ZNF829: variants seen among roughly 807,000 people sequenced by gnomAD.
The protein encoded by ZNF829 is zinc finger protein 829.
ZNF829 carries 25 observed loss-of-function variants against 35.2 expected under a neutral mutation model. The observed-to-expected ratio is 0.71, with a 90% CI of 0.52 to 0.99. ZNF829 has a LOEUF of 0.99. Among genes scored for constraint, ZNF829 ranks in the 50% least tolerant of loss-of-function variants. The probability of loss-of-function intolerance (pLI) is 0.00; values close to 1 mark genes in which losing one functional copy is unlikely to be tolerated. For missense variants in ZNF829, 417 were observed against 515.3 expected (o/e 0.81, Z 1.85); for synonymous variants, 136 against 163.2 (o/e 0.83, Z 1.27).
At position 36,889,253 on chromosome 19, in the gene ZNF829, T is replaced by C. The variant is rs535416118; in HGVS notation, c.*2239A>G. 2.3e-4 allele frequency: 35 copies of C among 152,264 alleles called. No individual in the cohort carries two copies. Among genetic ancestry groups the C allele is most frequent in the African/African-American group, 7.7e-4 (32 of 41,558 alleles). 9.4% of individuals were successfully genotyped at this position (152,264 alleles called of 1,614,324 possible). A position where few individuals can be genotyped will look rare whatever the true frequency, so the allele number is the denominator to read the frequency against. ...TTTCATCAGGGATATTGGCTTGTAGTTTTTTTGTGTGTTTTATCCTTGCCT... is the reference window on the plus strand; with the variant it reads ...TTTCATCAGGGATATTGGCTTGTAGCTTTTTTGTGTGTTTTATCCTTGCCT... On this transcript the variant is annotated 3_prime_UTR_variant, in exon 6 of 6. Transcript: ENST00000391711.
chr19:36,901,400 T>C lies in ZNF829; in HGVS notation c.319+6529A>G, dbSNP rs532384899. Among the ~76,000 whole-genome samples, 9 of 152,210 alleles carry C rather than the reference T, an allele frequency of 5.9e-5. No homozygotes were observed. In the East Asian group the frequency reaches 1.5e-3, roughly 26 times the overall value. On this transcript the variant is annotated intron_variant, in intron 5 of 5. Coordinates refer to ENST00000391711, the MANE Select transcript of ZNF829 (RefSeq NM_001037232.4). ...AGAGTGTACAGGGATTTTTCTGAGG[T>C]GATAAAAATGTTCTAAAATTGATTA...
rs1405650174 is a variant in ZNF829 at position 36,915,240 on chromosome 19, C to T, written c.-73G>A. 2 of 1,613,048 alleles carry T rather than the reference C, an allele frequency of 1.2e-6. No individual in the cohort carries two copies. Among genetic ancestry groups the T allele is most frequent in the Non-Finnish European group, 1.7e-6 (2 of 1,179,608 alleles). Reference sequence around the variant, plus strand: ...CCAGGGTTGGAATCTGACCAGACCTCAGAGAGGTTTCCTAGAGACAGAGTT... The same window carrying T: ...CCAGGGTTGGAATCTGACCAGACCTTAGAGAGGTTTCCTAGAGACAGAGTT... On this transcript the variant is annotated 5_prime_UTR_variant, in exon 2 of 6. Coordinates refer to ENST00000391711, the MANE Select transcript of ZNF829 (RefSeq NM_001037232.4).
chr19:36,908,655 A>G (rs1291762694), intron 3 of ZNF829, among the ~76,000 whole-genome samples, 196 bp from the exon 4 acceptor site: 2 of 152,250 alleles, frequency 1.3e-5, no homozygotes, highest in Admixed American at 6.5e-5. Flanking sequence ...ATTCAGCTCA[A>G]TTAGTGAGTT....
chr19:36,900,847 G>GAAA (rs59848712), intron 5 of ZNF829, among the ~76,000 whole-genome samples: 1,326 of 88,900 alleles, frequency 0.015, 36 homozygotes, highest in African/African-American at 0.056. Flanking sequence ...GACTGTCTCA[G>GAAA]AAAAAAAAAA....
intron 5 of ZNF829, among the ~76,000 whole-genome samples, chr19:36,898,262 C>G (rs1469435035): frequency 6.6e-6 from 1 of 152,006 alleles, no homozygotes; most frequent in Non-Finnish European, 1.5e-5. Flanking sequence ...AATATAATAG[C>G]TACAAAAAAC....
intron 5 of ZNF829, among the ~76,000 whole-genome samples, chr19:36,894,365 T>C (rs2073091780): frequency 6.6e-6 from 1 of 151,844 alleles, no homozygotes; most frequent in South Asian, 2.1e-4. Context: ...TACACAGATA[T>C]CAATGTAAGG....
chr19:36,898,763 G>A (rs1457395242), intron 5 of ZNF829, among the ~76,000 whole-genome samples: 1 of 152,072 alleles, frequency 6.6e-6, no homozygotes, highest in Non-Finnish European at 1.5e-5. Context: ...AAAAGGACAC[G>A]CTGTTCAATA....
At position 36,892,277 on chromosome 19, in the gene ZNF829, T is replaced by C. The variant is rs1039150679; in HGVS notation, c.514A>G (p.Ile172Val). ...CCAAAATGAATTCTCTGATGTTGGA[T>C]AAATTGTGAGTTTTGATTAAAGGTC... ...GKTFNQNSQF[I>V]QHQRIHFGEK... is the part of the protein sequence containing the mutation. Residue 172 changes from isoleucine (I) to valine (V), a missense_variant, in exon 6 of 6, where the codon ATC becomes GTC. By Grantham distance (29) the Ile-to-Val change is conservative. Transcript: ENST00000391711. 1.9e-6 allele frequency: 3 copies of C among 1,613,968 alleles called. No individual in the cohort carries two copies. In the Admixed American group the frequency reaches 5.0e-5, roughly 27 times the overall value.
In ZNF829 at chr19:36,916,087, C is replaced by T. The variant is rs2073326430; in HGVS notation, c.-161G>A. The T allele has an allele frequency of 1.4e-6, 1 of 710,736 alleles. No individual in the cohort carries two copies. Among genetic ancestry groups the T allele is most frequent in the African/African-American group, 1.8e-5 (1 of 55,474 alleles). 44.0% of individuals were successfully genotyped at this position (710,736 alleles called of 1,614,324 possible). On this transcript the variant is annotated 5_prime_UTR_variant, in exon 1 of 6. Coordinates refer to ENST00000391711, the MANE Select transcript of ZNF829 (RefSeq NM_001037232.4). The surrounding 1 kb of genome is among the most constrained non-coding windows in gnomAD (Gnocchi z 5.3). ...GAGAAAAGTGGCAGGCCACCAGGCC[C>T]TCTGGGAAATGTAGTCCAGAGCGGG...
intron 5 of ZNF829, chr19:36,901,802 G>T: frequency 1.6e-6 from 1 of 642,298 alleles, no homozygotes; most frequent in Admixed American, 2.1e-5. Flanking sequence ...CCACAAGGTG[G>T]TGACCTGAGA....
intron 4 of ZNF829, 152 bp downstream of exon 4, chr19:36,908,181 C>G (rs1288549527): frequency 7.9e-7 from 1 of 1,266,868 alleles, no homozygotes; most frequent in Non-Finnish European, 1.1e-6. Context: ...GAGCTGCCCA[C>G]TTCCAACTCT....
chr19:36,907,762 C>T, intron 5 of ZNF829, 167 bp downstream of exon 5: 1 of 540,170 alleles, frequency 1.9e-6, no homozygotes, highest in Non-Finnish European at 3.2e-6. Flanking sequence ...TAATTGTAGC[C>T]AGGGAGGTAC....
chr19:36,892,507 T>G lies in ZNF829; in HGVS notation c.320-36A>C, dbSNP rs748932334. On this transcript the variant is annotated intron_variant, in intron 5 of 5. Coordinates refer to ENST00000391711, the MANE Select transcript of ZNF829 (RefSeq NM_001037232.4). ...ATACAAAGGCAAATAAATTTTCCTA[T>G]TCTGGGCAAGTTAAAACTTCTAAAA... 6.6e-6 allele frequency: 10 copies of G among 1,522,608 alleles called. 1 individual carries two copies. The highest frequency in any genetic ancestry group is 4.0e-4 in the Middle Eastern group (2 of 4,966). The allele number at this position is 1,522,608 out of a possible 1,614,324, so 94.3% of individuals were successfully genotyped here.
chr19:36,909,860 A>G (rs73626771), intron 3 of ZNF829, among the ~76,000 whole-genome samples: 2,034 of 152,042 alleles, frequency 0.013, 58 homozygotes, highest in African/African-American at 0.047. Flanking sequence ...ATTCTATTGC[A>G]TGGACAAAAA....
At chr19:36,915,841 T>G in intron 1 of ZNF829, 170 bp downstream of exon 1, 7 of 1,535,788 alleles carry the variant, frequency 4.6e-6, no homozygotes, top group Non-Finnish European at 5.2e-6. Flanking sequence ...GTGATCCTCC[T>G]GCCTCGGCCT....
chr19:36,904,596 T>C, intron 5 of ZNF829, among the ~76,000 whole-genome samples: 1 of 151,956 alleles, frequency 6.6e-6, no homozygotes, highest in African/African-American at 2.4e-5. Context: ...GACGGGGTTT[T>C]GCCATGTTGG....
At chr19:36,907,693 T>A (rs1297915660) in intron 5 of ZNF829, 1 of 380,534 alleles carries the variant, frequency 2.6e-6, no homozygotes, top group Non-Finnish European at 4.7e-6. Flanking sequence ...TATACAAATC[T>A]AAACGTAGCG....
intron 3 of ZNF829, among the ~76,000 whole-genome samples, chr19:36,909,531 G>A (rs62115573): frequency 0.14 from 20,638 of 152,008 alleles, 1,638 homozygotes; most frequent in African/African-American, 0.21. Context: ...ATTATGAGCC[G>A]AGCATGGTGG....
chr19:36,915,211 C>T lies in ZNF829; in HGVS notation c.-44G>A, dbSNP rs962539254. ...CTCAGGGGAAAGGTTGTGTTCACTG[C>T]TGTCCAGGGTTGGAATCTGACCAGA... On this transcript the variant is annotated 5_prime_UTR_variant, in exon 2 of 6. Coordinates refer to ENST00000391711, the MANE Select transcript of ZNF829 (RefSeq NM_001037232.4). 3.1e-6 allele frequency: 5 copies of T among 1,613,998 alleles called. No homozygotes were observed. Among genetic ancestry groups the T allele is most frequent in the Non-Finnish European group, 3.4e-6 (4 of 1,180,028 alleles).
Sources: allele counts gnomAD v4.1 joint callset (sites outside exome capture counted in the v4.1 genomes callset), GRCh38; gene constraint gnomAD v4.1.1; non-coding constraint Gnocchi (gnomAD v3.1); transcripts MANE v1.5; gene names NCBI Gene and HGNC (gene_info 2026-07-23, HGNC 2026-07-21).